Variants in NXPE1 observed in about 807,000 individuals in gnomAD.
The protein encoded by NXPE1 is NXPE family member 1.
NXPE1 carries 31 observed loss-of-function variants against 33.3 expected under a neutral mutation model. That is an observed-to-expected ratio of 0.93 (90% CI 0.70 to 1.26). NXPE1 has a LOEUF of 1.26. NXPE1 is among the 50% of genes most tolerant of loss of function. The probability of loss-of-function intolerance (pLI) is 0.00; values close to 1 mark genes in which losing one functional copy is unlikely to be tolerated. For missense variants in NXPE1, 661 were observed against 655.6 expected, an observed-to-expected ratio of 1.01 and a Z score of -0.09; for synonymous variants, 229 against 231.4, an observed-to-expected ratio of 0.99 and a Z score of 0.09.
intron 7 of NXPE1, chr11:114,526,517 T>C (rs1269202809): frequency 1.0e-5 from 1 of 97,160 alleles, no homozygotes; most frequent in Non-Finnish European, 2.2e-5. Context: ...CATACCACTC[T>C]CTTCCTCAGT....
At chr11:114,523,518 C>T (rs892392217) in intron 7 of NXPE1, among the ~76,000 whole-genome samples, 3 of 152,018 alleles carry the variant, frequency 2.0e-5, no homozygotes, top group African/African-American at 2.4e-5. Context: ...TTTCCGTGTT[C>T]AAAAAATGGC....
chr11:114,522,294 G>T, exon 9 of NXPE1: 1 of 1,614,054 alleles, frequency 6.2e-7, no homozygotes. Context: ...CTAAAGTGCT[G>T]GCCAAAGGTG....
chr11:114,557,657 ATATATATATATATAT>A (rs1948687114), intron 1 of NXPE1, among the ~76,000 whole-genome samples: 1 of 143,332 alleles, frequency 7.0e-6, no homozygotes, highest in Non-Finnish European at 1.5e-5. Flanking sequence ...ATATATATAT[ATATATATATATATAT>A]AAAATCCTTG....
chr11:114,522,820 C>T (rs749881346), intron 8 of NXPE1, 59 bp downstream of exon 8: 102 of 1,226,364 alleles, frequency 8.3e-5, no homozygotes, highest in Middle Eastern at 5.8e-4. Flanking sequence ...ATAGAGACCT[C>T]ATTAAAAGTA....
chr11:114,549,765 G>T (rs951710302), intron 5 of NXPE1, among the ~76,000 whole-genome samples: 1 of 151,908 alleles, frequency 6.6e-6, no homozygotes, highest in Admixed American at 6.6e-5. Context: ...CGAGACACTG[G>T]AATTGAAAAG....
chr11:114,530,606 A>G (rs917454842), exon 6 of NXPE1: 40 of 1,613,978 alleles, frequency 2.5e-5, no homozygotes, highest in Admixed American at 1.3e-4. Flanking sequence ...AATCCCCACC[A>G]TATTGCTTCC....
At chr11:114,537,437 G>C (rs1008862739) in intron 5 of NXPE1, among the ~76,000 whole-genome samples, 5 of 152,096 alleles carry the variant, frequency 3.3e-5, no homozygotes, top group Non-Finnish European at 7.4e-5. Flanking sequence ...CCAAGAAAAT[G>C]AGGCAGGAGA....
intron 5 of NXPE1, among the ~76,000 whole-genome samples, chr11:114,548,594 A>G (rs1363711055): frequency 6.6e-6 from 1 of 152,054 alleles, no homozygotes; most frequent in Non-Finnish European, 1.5e-5. Flanking sequence ...AATAAAATCA[A>G]TTGGGTATTT....
Position 114,522,515 on chromosome 11 carries a change from A to C in NXPE1, c.1109-12T>G, listed in dbSNP as rs756035533. 1 of 1,561,198 alleles carries C rather than the reference A, an allele frequency of 6.4e-7. No individual in the cohort carries two copies. Among genetic ancestry groups the C allele is most frequent in the Non-Finnish European group, 8.7e-7 (1 of 1,151,718 alleles). ...AAAAAACTTCAGTGCTGATAAAAAA[A>C]CAAATAGATGTTTTAAATAGAAGAT... On this transcript the variant is annotated splice_polypyrimidine_tract_variant and intron_variant, in intron 8 of 8. Transcript: ENST00000534921.
chr11:114,556,367 G>A (rs1207568338), intron 1 of NXPE1, among the ~76,000 whole-genome samples: 1 of 152,102 alleles, frequency 6.6e-6, no homozygotes, highest in Non-Finnish European at 1.5e-5. Flanking sequence ...GCTACACTTT[G>A]TGGAGTCTCC....
At chr11:114,527,812 C>T in intron 7 of NXPE1, 28 bp downstream of exon 7, 3 of 1,539,066 alleles carry the variant, frequency 1.9e-6, no homozygotes, top group Non-Finnish European at 2.6e-6. Context: ...CTCTGAGCAT[C>T]ACCTAACTCA....
chr11:114,523,205 C>A (rs1947269495), intron 7 of NXPE1, 114 bp from the exon 8 acceptor site: 5 of 706,398 alleles, frequency 7.1e-6, no homozygotes, highest in Non-Finnish European at 9.6e-6. Context: ...TGCCTATTTC[C>A]TTTTTCTGTC....
chr11:114,532,086 A>G (rs1163351448), intron 5 of NXPE1, among the ~76,000 whole-genome samples: 1 of 152,218 alleles, frequency 6.6e-6, no homozygotes, highest in Non-Finnish European at 1.5e-5. Context: ...CTCACACTTT[A>G]GAACACATAT....
chr11:114,549,395 T>C (rs372261524), intron 5 of NXPE1, among the ~76,000 whole-genome samples: 8 of 151,992 alleles, frequency 5.3e-5, no homozygotes, highest in Non-Finnish European at 7.4e-5. Flanking sequence ...TACACAAAAA[T>C]AATACATCAT....
chr11:114,537,562 T>A (rs927935042), intron 5 of NXPE1, among the ~76,000 whole-genome samples: 1 of 152,158 alleles, frequency 6.6e-6, no homozygotes, highest in Non-Finnish European at 1.5e-5. Flanking sequence ...CTCCTCAAGC[T>A]GATAAGCAAC....
At chr11:114,522,759 C>A in intron 8 of NXPE1, 120 bp downstream of exon 8, 1 of 728,270 alleles carries the variant, frequency 1.4e-6, no homozygotes, top group South Asian at 1.9e-5. Context: ...TGTAAAGGTT[C>A]AAATCCAGAG....
intron 5 of NXPE1, among the ~76,000 whole-genome samples, chr11:114,537,935 A>G (rs1475321297): frequency 2.6e-5 from 4 of 152,202 alleles, no homozygotes; most frequent in African/African-American, 4.8e-5. Flanking sequence ...AAACTACTTT[A>G]AAGTTCATAT....
chr11:114,540,397 AAATT>A (rs1456610931), intron 5 of NXPE1, among the ~76,000 whole-genome samples: 2 of 152,246 alleles, frequency 1.3e-5, no homozygotes, highest in Admixed American at 6.5e-5. Flanking sequence ...TTGAATGAAA[AAATT>A]AAGTATGTAA....
At chr11:114,556,691 T>C (rs1479214486) in intron 1 of NXPE1, among the ~76,000 whole-genome samples, 1 of 152,088 alleles carries the variant, frequency 6.6e-6, no homozygotes, top group East Asian at 1.9e-4. Flanking sequence ...TATCATTTTT[T>C]AAAATGTATT....
Sources: allele counts gnomAD v4.1 joint callset (sites outside exome capture counted in the v4.1 genomes callset), GRCh38; gene constraint gnomAD v4.1.1; transcripts MANE v1.5; gene names NCBI Gene and HGNC (gene_info 2026-07-23, HGNC 2026-07-21).